Variants in LRCH3 observed in about 807,000 individuals in gnomAD.
LRCH3 encodes leucine rich repeats and calponin homology domain containing 3, also known as DISP complex protein LRCH3.
In LRCH3, 68 loss-of-function variants were observed where a neutral mutation model predicts 104.5. The observed-to-expected ratio is 0.65, with a 90% confidence interval of 0.54 to 0.80. LRCH3 has a LOEUF of 0.80. LRCH3 is among the 30% of genes least tolerant of loss of function. The probability of loss-of-function intolerance (pLI) is 0.00; values close to 1 mark genes in which losing one functional copy is unlikely to be tolerated. For missense variants in LRCH3, 951 were observed against 953.9 expected (o/e 1.00, Z 0.04); for synonymous variants, 344 against 361.3 (o/e 0.95, Z 0.54).
At chr3:197,844,912 T>C (rs1413581995) in intron 10 of LRCH3, among the ~76,000 whole-genome samples, 1 of 152,058 alleles carries the variant, frequency 6.6e-6, no homozygotes, top group Admixed American at 6.6e-5. Flanking sequence ...CGGGAGCCAC[T>C]GCACCCGGCC....
chr3:197,869,163 T>C (rs980639305), intron 17 of LRCH3, among the ~76,000 whole-genome samples: 4 of 152,216 alleles, frequency 2.6e-5, no homozygotes, highest in African/African-American at 9.7e-5. Context: ...TAGAAACCAA[T>C]ATACTGTACT....
chr3:197,814,593 G>A (rs1209083189), intron 1 of LRCH3, among the ~76,000 whole-genome samples: 1 of 152,160 alleles, frequency 6.6e-6, no homozygotes, highest in Non-Finnish European at 1.5e-5. Context: ...GAACAAAGAT[G>A]GTTCCTGAGT....
chr3:197,865,766 G>GT (rs1741406155), intron 16 of LRCH3, among the ~76,000 whole-genome samples: 3 of 142,996 alleles, frequency 2.1e-5, no homozygotes, highest in African/African-American at 5.7e-5. Flanking sequence ...GAAACCACTG[G>GT]GTTTTTTTTT....
chr3:197,859,293 C>T (rs1740617335), intron 15 of LRCH3: 1 of 203,426 alleles, frequency 4.9e-6, no homozygotes, highest in Middle Eastern at 2.3e-3. Context: ...CAGTAGGGGT[C>T]AACCAACTAT....
At chr3:197,824,722 C>T (rs886711580) in intron 4 of LRCH3, among the ~76,000 whole-genome samples, 1 of 151,282 alleles carries the variant, frequency 6.6e-6, no homozygotes, top group Non-Finnish European at 1.5e-5. Context: ...TAGGAGCCCG[C>T]CACCACGCCT....
chr3:197,796,579 T>C (rs2109094614), intron 1 of LRCH3, among the ~76,000 whole-genome samples: 1 of 152,358 alleles, frequency 6.6e-6, no homozygotes, highest in South Asian at 2.1e-4. Context: ...CTAACATTTA[T>C]TGAGGTCTTA....
chr3:197,805,610 T>G (rs1409213700), intron 1 of LRCH3, among the ~76,000 whole-genome samples: 1 of 150,902 alleles, frequency 6.6e-6, no homozygotes, highest in African/African-American at 2.5e-5. Flanking sequence ...TGGTAAGATC[T>G]CTAGGCATCT....
chr3:197,811,506 A>G (rs944741188), intron 1 of LRCH3, among the ~76,000 whole-genome samples: 8 of 152,170 alleles, frequency 5.3e-5, no homozygotes, highest in Non-Finnish European at 8.8e-5. Flanking sequence ...TGGGTTTTGC[A>G]TAATGGGCTG....
intron 2 of LRCH3, 79 bp downstream of exon 2, chr3:197,815,131 C>T (rs538273025): frequency 4.9e-6 from 4 of 823,706 alleles, no homozygotes; most frequent in South Asian, 2.2e-5. Context: ...AAAATATTTA[C>T]CTATATATAT....
chr3:197,826,848 A>G, intron 4 of LRCH3, 30 bp from the exon 5 acceptor site: 2 of 1,613,576 alleles, frequency 1.2e-6, no homozygotes, highest in Non-Finnish European at 1.7e-6. Context: ...AACATCATTA[A>G]TTGTTCATTT....
chr3:197,843,179 T>A (rs1738071703), intron 10 of LRCH3, among the ~76,000 whole-genome samples: 1 of 151,966 alleles, frequency 6.6e-6, no homozygotes. Context: ...TTCTGTAAAG[T>A]GTGTTATAGC....
At chr3:197,870,575 G>A (rs1395613758) in intron 18 of LRCH3, among the ~76,000 whole-genome samples, 2 of 152,014 alleles carry the variant, frequency 1.3e-5, no homozygotes, top group Admixed American at 1.3e-4. Context: ...CATGTTGGCC[G>A]GGCTGGTCTC....
chr3:197,873,502 A>G (rs1712482237), intron 19 of LRCH3, among the ~76,000 whole-genome samples: 1 of 152,064 alleles, frequency 6.6e-6, no homozygotes, highest in African/African-American at 2.4e-5. Flanking sequence ...TGAAGCTGAG[A>G]AGGAGACAAG....
chr3:197,822,851 G>C (rs538266578), intron 4 of LRCH3: 1 of 145,538 alleles, frequency 6.9e-6, no homozygotes, highest in Admixed American at 7.0e-5. Flanking sequence ...ACTCTGTCAC[G>C]CAGGCTGGAG....
intron 1 of LRCH3, 78 bp from the exon 2 acceptor site, chr3:197,814,830 T>C: frequency 8.0e-7 from 1 of 1,243,716 alleles, no homozygotes; most frequent in Non-Finnish European, 1.1e-6. Context: ...TATTTTTTAG[T>C]TTATGTGGAA....
chr3:197,844,625 T>G (rs1011862854), intron 10 of LRCH3, among the ~76,000 whole-genome samples: 4 of 87,838 alleles, frequency 4.6e-5, no homozygotes, highest in East Asian at 6.3e-4. Flanking sequence ...GGTTTTTTGT[T>G]TTTTTTTTTC....
intron 8 of LRCH3, among the ~76,000 whole-genome samples, chr3:197,833,831 G>T (rs1736316153): frequency 6.6e-6 from 1 of 152,172 alleles, no homozygotes; most frequent in Non-Finnish European, 1.5e-5. Flanking sequence ...ATTGGATGAA[G>T]AAGTAAAGTT....
intron 11 of LRCH3, 132 bp downstream of exon 11, chr3:197,847,592 CAT>C: frequency 7.5e-6 from 3 of 401,798 alleles, no homozygotes; most frequent in Non-Finnish European, 1.1e-5. Context: ...ATTAATATAA[CAT>C]ATGTACGTGA....
intron 1 of LRCH3, among the ~76,000 whole-genome samples, chr3:197,794,362 C>T (rs1361517486): frequency 6.6e-6 from 1 of 152,164 alleles, no homozygotes; most frequent in Non-Finnish European, 1.5e-5. Flanking sequence ...GGCTAAAGGA[C>T]AGAGGAGACG....
Sources: allele counts gnomAD v4.1 joint callset (sites outside exome capture counted in the v4.1 genomes callset), GRCh38; gene constraint gnomAD v4.1.1; transcripts MANE v1.5; gene names NCBI Gene and HGNC (gene_info 2026-07-23, HGNC 2026-07-21).